Variants in GTPBP10 observed in about 807,000 individuals in gnomAD.
GTPBP10 encodes the protein GTP-binding protein 10.
A neutral mutation model predicts 44.8 loss-of-function variants in GTPBP10; 38 were observed. The observed-to-expected ratio is 0.85, with a 90% CI of 0.65 to 1.11. The LOEUF (loss-of-function observed/expected upper bound fraction) is 1.11. GTPBP10 is among the 50% of genes most tolerant of loss of function. The probability of loss-of-function intolerance (pLI) is 0.00; values close to 1 mark genes in which losing one functional copy is unlikely to be tolerated. For synonymous variants in GTPBP10, 152 were observed against 150.6 expected, an observed-to-expected ratio of 1.01 and a Z score of -0.07; for missense variants, 462 against 453.7, an observed-to-expected ratio of 1.02 and a Z score of -0.17.
chr7:90,384,752 G>T, intron 9 of GTPBP10, 140 bp from the exon 10 acceptor site: 1 of 696,064 alleles, frequency 1.4e-6, no homozygotes, highest in Non-Finnish European at 2.3e-6. Flanking sequence ...CAAAGGCTCT[G>T]AGAACTTATT....
At chr7:90,378,536 C>T (rs1276443162) in intron 8 of GTPBP10, among the ~76,000 whole-genome samples, 1 of 152,124 alleles carries the variant, frequency 6.6e-6, no homozygotes. Flanking sequence ...TCTATTTCTA[C>T]TCTTACACTA....
In GTPBP10 at chr7:90,368,612, A is replaced by G. The variant is rs115533471; in HGVS notation, c.465-3543A>G. On this transcript the variant is annotated intron_variant, in intron 4 of 9. Transcript: ENST00000222511. Reference sequence around the variant, plus strand: ...TATTGAAGCTTGTGCGTGCGTCACGAAGTTCTCGTGCTGTGGTTTTGAACT... The same window carrying G: ...TATTGAAGCTTGTGCGTGCGTCACGGAGTTCTCGTGCTGTGGTTTTGAACT... Among the ~76,000 whole-genome samples, 1,434 of 152,178 alleles carry G rather than the reference A, an allele frequency of 9.4e-3. 31 individuals carry two copies. Among genetic ancestry groups the G allele is most frequent in the African/African-American group, 0.032 (1,346 of 41,518 alleles).
intron 4 of GTPBP10, among the ~76,000 whole-genome samples, chr7:90,367,976 G>T (rs1796170618): frequency 6.6e-6 from 1 of 152,160 alleles, no homozygotes; most frequent in Admixed American, 6.5e-5. Context: ...GGCAGGCCTG[G>T]TGTTGACAAA....
rs1796569438 is a variant in GTPBP10, at chr7:90,388,856, T to G, written c.*3702T>G. 6.6e-6 allele frequency: 1 copy of G among 152,208 alleles called. No homozygotes were observed. Among genetic ancestry groups the G allele is most frequent in the South Asian group, 2.1e-4 (1 of 4,832 alleles). The allele number at this position is 152,208 out of a possible 1,614,324, so 9.4% of individuals were successfully genotyped here. A position where few individuals can be genotyped will look rare whatever the true frequency, so the allele number is the denominator to read the frequency against. On this transcript the variant is annotated 3_prime_UTR_variant, in exon 10 of 10. Coordinates refer to ENST00000222511, the MANE Select transcript of GTPBP10 (RefSeq NM_033107.4). ...TATTTTCCAAGCAGTTTCACAGTGTTTGCAAAGTTCAGATTGAAAACCCAG... is the reference window on the plus strand; with the variant it reads ...TATTTTCCAAGCAGTTTCACAGTGTGTGCAAAGTTCAGATTGAAAACCCAG...
chr7:90,355,980 C>T (rs1390132094), intron 4 of GTPBP10, among the ~76,000 whole-genome samples: 3 of 149,916 alleles, frequency 2.0e-5, no homozygotes, highest in Non-Finnish European at 4.4e-5. Flanking sequence ...CCTATCCTCT[C>T]CCTCTGGCCC....
chr7:90,371,940 T>C (rs903467657), intron 4 of GTPBP10, among the ~76,000 whole-genome samples: 2 of 152,174 alleles, frequency 1.3e-5, no homozygotes, highest in African/African-American at 4.8e-5. Context: ...GGAATAATTA[T>C]TATACACTTT....
intron 4 of GTPBP10, among the ~76,000 whole-genome samples, chr7:90,356,678 TG>T (rs1173866975): frequency 1.3e-5 from 2 of 152,196 alleles, no homozygotes; most frequent in East Asian, 3.8e-4. Context: ...TATAGTTTTT[TG>T]CTTTTCACCA....
chr7:90,349,955 G>A (rs531009417), intron 1 of GTPBP10, among the ~76,000 whole-genome samples: 2 of 151,572 alleles, frequency 1.3e-5, no homozygotes, highest in South Asian at 4.2e-4. Context: ...AAGTTCTAGG[G>A]TACATGTACA....
intron 4 of GTPBP10, among the ~76,000 whole-genome samples, chr7:90,368,869 G>A (rs553708672): frequency 1.6e-4 from 25 of 152,284 alleles, no homozygotes; most frequent in East Asian, 7.7e-4. Flanking sequence ...GAGGAGAATA[G>A]GCACTCTGGT....
At chr7:90,365,253 A>G (rs1424741504) in intron 4 of GTPBP10, among the ~76,000 whole-genome samples, 1 of 148,172 alleles carries the variant, frequency 6.7e-6, no homozygotes, top group Non-Finnish European at 1.5e-5. Context: ...AGCCATTTCT[A>G]TTTGGCCATC....
At chr7:90,348,296 G>T (rs1324335749) in intron 1 of GTPBP10, among the ~76,000 whole-genome samples, 1 of 152,096 alleles carries the variant, frequency 6.6e-6, no homozygotes, top group African/African-American at 2.4e-5. Context: ...GAACATGGGG[G>T]TTAGAGATGC....
At chr7:90,381,449 A>C (rs1344293324) in intron 8 of GTPBP10, among the ~76,000 whole-genome samples, 1 of 152,216 alleles carries the variant, frequency 6.6e-6, no homozygotes, top group Non-Finnish European at 1.5e-5. Context: ...ATGTCAATTC[A>C]GGTTCTTTAT....
At position 90,386,846 on chromosome 7, in the gene GTPBP10, C is replaced by T. The variant is rs1192556752; in HGVS notation, c.*1692C>T. ...ATATTGATTGTAAAAACAAAAAATT[C>T]AAATAGTACAAAAGCATATAAGTAA... On this transcript the variant is annotated 3_prime_UTR_variant, in exon 10 of 10. Coordinates refer to ENST00000222511, the MANE Select transcript of GTPBP10 (RefSeq NM_033107.4). 1 of 152,020 alleles carries T rather than the reference C, an allele frequency of 6.6e-6. No homozygotes were observed. The highest frequency in any genetic ancestry group is 1.5e-5 in the Non-Finnish European group (1 of 68,012). The allele number at this position is 152,020 out of a possible 1,614,324, so 9.4% of individuals were successfully genotyped here.
chr7:90,349,712 C>T (rs1159954234), intron 1 of GTPBP10, among the ~76,000 whole-genome samples: 2 of 152,114 alleles, frequency 1.3e-5, no homozygotes, highest in African/African-American at 4.8e-5. Flanking sequence ...TCCTGGTGCT[C>T]CCTTCTCTTC....
intron 1 of GTPBP10, chr7:90,347,547 T>A: frequency 1.7e-6 from 1 of 601,210 alleles, no homozygotes; most frequent in Non-Finnish European, 2.1e-6. Context: ...CCTAAATGAC[T>A]AGAGATGTGG....
chr7:90,375,223 G>A (rs1016046644), intron 6 of GTPBP10, among the ~76,000 whole-genome samples: 1 of 152,006 alleles, frequency 6.6e-6, no homozygotes, highest in Non-Finnish European at 1.5e-5. Flanking sequence ...ATGATTTCCA[G>A]GGTTAGGGAG....
chr7:90,352,945 T>C lies in GTPBP10; in HGVS notation c.163T>C (p.Leu55=). The change falls in exon 2 of 10, where the codon TTA becomes CTA. Residue 55 remains leucine, a synonymous_variant. Coordinates refer to ENST00000222511, the MANE Select transcript of GTPBP10 (RefSeq NM_033107.4). ...GGTTGTAGCCCAGAACAGAATGACT[T>C]TAAAACAACTTAAAGACAGGTATCC... ...VWVVAQNRMT[L]KQLKDRYPRK... is the part of the protein sequence containing the mutation. The C allele has an allele frequency of 6.2e-7, 1 of 1,613,512 alleles. No homozygotes were observed. Among genetic ancestry groups the C allele is most frequent in the East Asian group, 2.2e-5 (1 of 44,844 alleles).
chr7:90,377,718 C>T, intron 7 of GTPBP10, 104 bp downstream of exon 7: 2 of 704,730 alleles, frequency 2.8e-6, no homozygotes, highest in South Asian at 2.4e-5. Flanking sequence ...GCATATGTTA[C>T]TCCACTAAGT....
At chr7:90,364,112 T>C (rs1188236239) in intron 4 of GTPBP10, among the ~76,000 whole-genome samples, 1 of 152,234 alleles carries the variant, frequency 6.6e-6, no homozygotes, top group Non-Finnish European at 1.5e-5. Flanking sequence ...ATTCTGATCA[T>C]CTGAAGCCTT....
Sources: gnomAD v4.1 joint callset for allele counts (sites outside exome capture counted in the v4.1 genomes callset) on GRCh38, gnomAD v4.1.1 for gene constraint, MANE v1.5 for transcripts, NCBI Gene and HGNC (gene_info 2026-07-23, HGNC 2026-07-21) for gene names.